ALMS1: variants seen among roughly 807,000 people sequenced by gnomAD.
ALMS1 encodes centrosome-associated protein ALMS1.
A neutral mutation model predicts 352.2 loss-of-function variants in ALMS1; 271 were observed. The ratio of observed to expected loss-of-function variants is 0.77; its 90% CI spans 0.70 to 0.85. ALMS1 has a LOEUF of 0.85. ALMS1 is among the 40% of genes least tolerant of loss of function. The pLI is 0.00. For missense variants in ALMS1, 5,445 were observed against 4,870.7 expected, an observed-to-expected ratio of 1.12 and a Z score of -3.51; for synonymous variants, 1,865 against 1,761.2, an observed-to-expected ratio of 1.06 and a Z score of -1.48.
intron 15 of ALMS1, among the ~76,000 whole-genome samples, chr2:73,560,420 T>G (rs1674632816): frequency 6.6e-6 from 1 of 152,132 alleles, no homozygotes; most frequent in South Asian, 2.1e-4. Flanking sequence ...GCAAGGAAAT[T>G]GAAACCCTTG....
Position 73,491,021 on chromosome 2 carries a change from C to G in ALMS1, c.9062C>G (p.Ser3021Cys). 6.2e-7 allele frequency: 1 copy of G among 1,614,226 alleles called. No individual in the cohort carries two copies. Among genetic ancestry groups the G allele is most frequent in the Non-Finnish European group, 8.5e-7 (1 of 1,180,026 alleles). ...GAAGCCAAGTTCAATACTGTGGTCTCCCAGTCAGCCCCAAATCACTGTACA... is the reference window on the plus strand; with the variant it reads ...GAAGCCAAGTTCAATACTGTGGTCTGCCAGTCAGCCCCAAATCACTGTACA... ...NVEAKFNTVV[S>C]QSAPNHCTLA... is the part of the protein sequence containing the mutation. Residue 3021 changes from serine (S) to cysteine (C), a missense_variant, in exon 10 of 23, where the codon TCC (serine) becomes TGC (cysteine). Transcript: ENST00000613296.
intron 7 of ALMS1, among the ~76,000 whole-genome samples, chr2:73,443,246 G>A (rs1259062278): frequency 6.6e-6 from 1 of 152,100 alleles, no homozygotes; most frequent in Admixed American, 6.6e-5. Flanking sequence ...ATAGTAGAAG[G>A]TCCCTGCTTA....
rs769322538 is a variant in ALMS1, at chr2:73,453,166, C to G, written c.6639C>G (p.Asp2213Glu). Reference protein sequence around the residue: ...QRLIDNLNSSDSSVSSNNVLL... With the variant: ...QRLIDNLNSSESSVSSNNVLL... The stretch of plus-strand genomic sequence containing the variant: ...TAATAGATAATTTGAATTCTTCTGA[C>G]TCCAGTGTTAGCTCAAATAATGTGC... The change falls in exon 8 of 23, where the codon GAC becomes GAG. Residue 2213 changes from aspartate to glutamate, a missense_variant. Physicochemically the swap from Asp to Glu is conservative, Grantham distance 45. Coordinates refer to ENST00000613296, the MANE Select transcript of ALMS1 (RefSeq NM_001378454.1). 4.3e-6 allele frequency: 7 copies of G among 1,613,916 alleles called. No individual in the cohort carries two copies. In the Admixed American group the frequency reaches 1.2e-4, roughly 27 times the overall value.
chr2:73,470,458 C>T (rs1672444902), intron 9 of ALMS1: 1 of 151,696 alleles, frequency 6.6e-6, no homozygotes, highest in Non-Finnish European at 1.5e-5. Flanking sequence ...GTTGTTAATT[C>T]CCACATAATT....
At chr2:73,575,836 G>T (rs1675041326) in intron 16 of ALMS1, among the ~76,000 whole-genome samples, 1 of 143,850 alleles carries the variant, frequency 7.0e-6, no homozygotes, top group Non-Finnish European at 1.5e-5. Context: ...AAATTTTGAT[G>T]TAGTCCAATT....
chr2:73,479,049 A>G (rs1022215188), intron 9 of ALMS1, among the ~76,000 whole-genome samples: 2 of 152,138 alleles, frequency 1.3e-5, no homozygotes, highest in Non-Finnish European at 2.9e-5. Flanking sequence ...ATAGTATTCC[A>G]TGGTATATAT....
rs201924342 is a variant in ALMS1, at chr2:73,600,781, T to C, written c.11772T>C (p.Asp3924=). 72 of 1,614,218 alleles carry C rather than the reference T, an allele frequency of 4.5e-5. No individual in the cohort carries two copies. In the African/African-American group the frequency reaches 8.0e-4, roughly 18 times the overall value. The change falls in exon 18 of 23, where the codon GAT becomes GAC. Residue 3924 remains aspartate, a synonymous_variant. Transcript: ENST00000613296. ...AGGCTAAATTGGAAGAGAACAGTGA[T>C]GTGACTTCTTGGTCAGAAGAAAAAC... ...SSEAKLEENS[D]VTSWSEEKRE...
chr2:73,435,817 C>G (rs1427242626), intron 7 of ALMS1, among the ~76,000 whole-genome samples: 1 of 152,094 alleles, frequency 6.6e-6, no homozygotes, highest in Non-Finnish European at 1.5e-5. Flanking sequence ...GTCTTGAACT[C>G]CTGGGCTCAA....
intron 7 of ALMS1, among the ~76,000 whole-genome samples, chr2:73,438,999 C>A (rs528009586): frequency 1.3e-5 from 2 of 151,088 alleles, no homozygotes; most frequent in East Asian, 3.9e-4. Flanking sequence ...TCTTCTTCCT[C>A]TTCTTCCTCT....
Position 73,448,667 on chromosome 2 carries a change from A to G in ALMS1, c.2140A>G (p.Thr714Ala), listed in dbSNP as rs2103773812. 1.2e-6 allele frequency: 2 copies of G among 1,613,236 alleles called. No individual in the cohort carries two copies. Among genetic ancestry groups the G allele is most frequent in the Non-Finnish European group, 1.7e-6 (2 of 1,179,744 alleles). The change falls in exon 8 of 23, where the codon ACT becomes GCT. Residue 714 changes from threonine to alanine, a missense_variant. Coordinates refer to ENST00000613296, the MANE Select transcript of ALMS1 (RefSeq NM_001378454.1). ...GACTGGGACAGCAACAGTACTCTCT[A>G]CTCCCCACTCACATAGAGAGAAGCC... ...QKTGTATVLS[T>A]PHSHREKPGI...
At chr2:73,580,069 A>G (rs1489600849) in intron 16 of ALMS1, among the ~76,000 whole-genome samples, 1 of 151,332 alleles carries the variant, frequency 6.6e-6, no homozygotes, top group African/African-American at 2.4e-5. Flanking sequence ...ATTTTTCTTC[A>G]TTCTGTTTTC....
In ALMS1 at chr2:73,428,626, A is replaced by G. The variant is rs181530420; in HGVS notation, c.1338+2073A>G. Among the ~76,000 whole-genome samples, 12 of 152,368 alleles carry G rather than the reference A, an allele frequency of 7.9e-5. No homozygotes were observed. In the East Asian group the frequency reaches 2.3e-3, roughly 29 times the overall value. On this transcript the variant is annotated intron_variant, in intron 6 of 22. Coordinates refer to ENST00000613296, the MANE Select transcript of ALMS1 (RefSeq NM_001378454.1). ...TAATGTGCAGAGACTAGCTTTGACC[A>G]CTGCTCCAAATTTTAATCTGTCCTT...
intron 10 of ALMS1, among the ~76,000 whole-genome samples, chr2:73,497,650 G>A (rs1558669978): frequency 6.6e-6 from 1 of 152,056 alleles, no homozygotes; most frequent in Admixed American, 6.6e-5. Context: ...GGGCACTTAG[G>A]TTTTTATGAG....
chr2:73,449,109 C>T lies in ALMS1; in HGVS notation c.2582C>T (p.Ser861Phe). ...PAVTSTSSASSSLGEKPSAFY... is the reference protein window; with the variant it reads ...PAVTSTSSASFSLGEKPSAFY... Reference sequence around the variant, plus strand: ...GTAACCTCTACTTCCTCTGCGTCCTCTTCACTTGGAGAAAAGCCCAGTGCT... The same window carrying T: ...GTAACCTCTACTTCCTCTGCGTCCTTTTCACTTGGAGAAAAGCCCAGTGCT... Residue 861 changes from serine to phenylalanine, a missense_variant, in exon 8 of 23, where the codon TCT becomes TTT. Physicochemically the swap from Ser to Phe is radical, Grantham distance 155 (BLOSUM62 -2). Coordinates refer to ENST00000613296, the MANE Select transcript of ALMS1 (RefSeq NM_001378454.1). 2 of 1,613,990 alleles carry T rather than the reference C, an allele frequency of 1.2e-6. No homozygotes were observed. The highest frequency in any genetic ancestry group is 1.7e-6 in the Non-Finnish European group (2 of 1,179,968).
chr2:73,455,923 A>C lies in ALMS1; in HGVS notation c.7674+628A>C, dbSNP rs57934429. On this transcript the variant is annotated intron_variant, in intron 9 of 22. Coordinates refer to ENST00000613296, the MANE Select transcript of ALMS1 (RefSeq NM_001378454.1). Reference sequence around the variant, plus strand: ...GGTATCTTGAAATCCAGCTATTTTCAAATGTTTATTTTAAATACTTGAGTA... The same window carrying C: ...GGTATCTTGAAATCCAGCTATTTTCCAATGTTTATTTTAAATACTTGAGTA... Among the ~76,000 whole-genome samples the C allele has an allele frequency of 4.2e-3, 641 of 152,266 alleles. 6 individuals are homozygous for C. The highest frequency in any genetic ancestry group is 0.013 in the African/African-American group (538 of 41,548).
chr2:73,601,948 G>T (rs778743302), intron 19 of ALMS1, among the ~76,000 whole-genome samples: 1 of 152,164 alleles, frequency 6.6e-6, no homozygotes, highest in Non-Finnish European at 1.5e-5. Flanking sequence ...AGTTGTAATC[G>T]CCATAGTCTT....
At chr2:73,457,591 G>A (rs948300134) in intron 9 of ALMS1, among the ~76,000 whole-genome samples, 4 of 151,934 alleles carry the variant, frequency 2.6e-5, no homozygotes, top group Admixed American at 2.6e-4. Flanking sequence ...TTATATCAGT[G>A]TTCAAGCCTA....
chr2:73,517,815 G>A (rs1287699008), intron 10 of ALMS1, among the ~76,000 whole-genome samples: 1 of 151,842 alleles, frequency 6.6e-6, no homozygotes, highest in African/African-American at 2.4e-5. Flanking sequence ...GCACCACCAC[G>A]CCTGGCTAAT....
Position 73,439,748 on chromosome 2 carries a change from C to T in ALMS1, c.1432+7457C>T, listed in dbSNP as rs142575229. 9.8e-3 allele frequency among the ~76,000 whole-genome samples: 1,495 copies of T among 152,076 alleles called. 9 individuals carry two copies. Among genetic ancestry groups the T allele is most frequent in the Middle Eastern group, 0.027 (8 of 292 alleles). On this transcript the variant is annotated intron_variant, in intron 7 of 22. Coordinates refer to ENST00000613296, the MANE Select transcript of ALMS1 (RefSeq NM_001378454.1). The stretch of plus-strand genomic sequence containing the variant: ...TGGAGACAGGGTGTCACCATGTTGG[C>T]CAGGATGGTCTGCATCTCTTGACCT...
Sources: allele counts gnomAD v4.1 joint callset (sites outside exome capture counted in the v4.1 genomes callset), GRCh38; gene constraint gnomAD v4.1.1; transcripts MANE v1.5; gene names NCBI Gene and HGNC (gene_info 2026-07-23, HGNC 2026-07-21).